The following RAB5C variants were observed in gnomAD, a reference collection of about 807,000 sequenced individuals.
RAB5C encodes the protein ras-related protein Rab-5C.
A neutral mutation model predicts 25.2 loss-of-function variants in RAB5C; 4 were observed. The observed-to-expected ratio is 0.16, with a 90% CI of 0.08 to 0.36. The LOEUF (loss-of-function observed/expected upper bound fraction) is 0.36. Among genes scored for constraint, RAB5C ranks in the 10% least tolerant of loss-of-function variants. The probability of loss-of-function intolerance (pLI) is 1.00; values close to 1 mark genes in which losing one functional copy is unlikely to be tolerated. For synonymous variants in RAB5C, 100 were observed against 106.4 expected (o/e 0.94, Z 0.37); for missense variants, 199 against 283.8 (o/e 0.70, Z 2.15).
In RAB5C at chr17:42,125,607, T is replaced by C. The variant is rs1215319660; in HGVS notation, c.*176A>G. 4 of 584,852 alleles carry C rather than the reference T, an allele frequency of 6.8e-6. No homozygotes were observed. The highest frequency in any genetic ancestry group is 1.2e-5 in the Non-Finnish European group (4 of 328,044). 36.2% of individuals were successfully genotyped at this position (584,852 alleles called of 1,614,324 possible). The stretch of plus-strand genomic sequence containing the variant: ...TTGAATTAGTATTTGTACAGAAAGG[T>C]GCAGGTGGAATGACTCACTCCGGCC... On this transcript the variant is annotated 3_prime_UTR_variant, in exon 6 of 6. Transcript: ENST00000346213.
At chr17:42,131,477 C>G (rs981011710) in intron 1 of RAB5C, 4 of 874,458 alleles carry the variant, frequency 4.6e-6, no homozygotes, top group Non-Finnish European at 7.1e-6. Context: ...AACACACACA[C>G]AGAAATACAC....
At position 42,148,386 on chromosome 17, in the gene RAB5C, A is replaced by G. The variant is rs1317480473; in HGVS notation, c.-89+6507T>C. Among the ~76,000 whole-genome samples, 5 of 126,458 alleles carry G rather than the reference A, an allele frequency of 4.0e-5. No individual in the cohort carries two copies. In the East Asian group the frequency reaches 1.2e-3, roughly 31 times the overall value. 83.0% of individuals were successfully genotyped at this position (126,458 alleles called of 152,430 possible). A position where few individuals can be genotyped will look rare whatever the true frequency, so the allele number is the denominator to read the frequency against. On this transcript the variant is annotated intron_variant, in intron 1 of 5. Coordinates refer to ENST00000346213, the MANE Select transcript of RAB5C (RefSeq NM_004583.4). The stretch of plus-strand genomic sequence containing the variant: ...ACCATTGCACTCCAGCCTGGGTGAG[A>G]GGTCAAGACTCCATCTCAAAAAAAA...
rs1280660154 is a variant in RAB5C at position 42,126,861 on chromosome 17, G to C, written c.442-13C>G. On this transcript the variant is annotated splice_polypyrimidine_tract_variant and intron_variant, in intron 4 of 5. Coordinates refer to ENST00000346213, the MANE Select transcript of RAB5C (RefSeq NM_004583.4). ...AGGCTTGTGCTTCCTGGTTTGGATG[G>C]AGGTGAGAGGAGGTGAGAGGGAAAT... is the stretch of plus-strand genomic sequence containing the variant. 1 of 1,523,374 alleles carries C rather than the reference G, an allele frequency of 6.6e-7. No homozygotes were observed. The highest frequency in any genetic ancestry group is 1.7e-5 in the Admixed American group (1 of 59,252). 94.4% of individuals were successfully genotyped at this position (1,523,374 alleles called of 1,614,324 possible). A position where few individuals can be genotyped will look rare whatever the true frequency, so the allele number is the denominator to read the frequency against.
intron 1 of RAB5C, among the ~76,000 whole-genome samples, chr17:42,148,196 C>A (rs1368097558): frequency 6.6e-6 from 1 of 151,830 alleles, no homozygotes; most frequent in Middle Eastern, 3.2e-3. Flanking sequence ...ATCATGAGGT[C>A]AGGAGTTTGA....
chr17:42,131,695 C>T, intron 1 of RAB5C: 2 of 1,280,882 alleles, frequency 1.6e-6, no homozygotes, highest in South Asian at 2.6e-5. Context: ...AGTCCTGCAT[C>T]CCCAACAGCT....
chr17:42,154,055 A>G (rs917680200), intron 1 of RAB5C, among the ~76,000 whole-genome samples: 3 of 152,188 alleles, frequency 2.0e-5, no homozygotes, highest in Non-Finnish European at 4.4e-5. Flanking sequence ...ACACACGGAC[A>G]GCAGTCCCAA....
At chr17:42,146,782 G>A (rs902479143) in intron 1 of RAB5C, among the ~76,000 whole-genome samples, 8 of 150,470 alleles carry the variant, frequency 5.3e-5, no homozygotes, top group Non-Finnish European at 1.5e-5. Flanking sequence ...CAAGGTAGGC[G>A]GATCACGAGG....
intron 1 of RAB5C, among the ~76,000 whole-genome samples, chr17:42,132,020 G>A (rs1310807821): frequency 6.6e-6 from 1 of 152,200 alleles, no homozygotes; most frequent in Non-Finnish European, 1.5e-5. Context: ...AGATCCCAGG[G>A]AGAGCCCCGA....
At chr17:42,139,817 C>G (rs2054574578) in intron 1 of RAB5C, among the ~76,000 whole-genome samples, 1 of 152,202 alleles carries the variant, frequency 6.6e-6, no homozygotes, top group African/African-American at 2.4e-5. Flanking sequence ...AGCCACAGGG[C>G]TTGTTAGGGA....
chr17:42,125,819 G>T lies in RAB5C; in HGVS notation c.615C>A (p.Asn205Lys). The change falls in exon 6 of 6, where the codon AAC becomes AAA. Residue 205 changes from asparagine to lysine, a missense_variant. Coordinates refer to ENST00000346213, the MANE Select transcript of RAB5C (RefSeq NM_004583.4). ...GRNRGVDLQE[N>K]NPASRSQCCS... ...AGCACTGGCTCCGGCTGGCTGGGTT[G>T]TTCTCCTGGAGGTCCACACCTCGGT... 1 of 1,610,276 alleles carries T rather than the reference G, an allele frequency of 6.2e-7. No individual in the cohort carries two copies. The highest frequency in any genetic ancestry group is 1.1e-5 in the South Asian group (1 of 90,110).
chr17:42,143,023 A>G (rs1414916280), intron 1 of RAB5C, among the ~76,000 whole-genome samples: 2 of 152,232 alleles, frequency 1.3e-5, no homozygotes, highest in African/African-American at 4.8e-5. Context: ...TCCAAAGGAA[A>G]GACCAAATCA....
chr17:42,149,399 T>A (rs1212134428), intron 1 of RAB5C, among the ~76,000 whole-genome samples: 1 of 152,046 alleles, frequency 6.6e-6, no homozygotes, highest in Admixed American at 6.6e-5. Context: ...CTGGGCAACA[T>A]GGCAAAACCC....
At chr17:42,145,252 T>A (rs1289577814) in intron 1 of RAB5C, among the ~76,000 whole-genome samples, 1 of 152,056 alleles carries the variant, frequency 6.6e-6, no homozygotes, top group Non-Finnish European at 1.5e-5. Context: ...TGAACATAAG[T>A]CCCTGTTCCT....
chr17:42,133,020 C>CT (rs1261399840), intron 1 of RAB5C, among the ~76,000 whole-genome samples: 3 of 152,124 alleles, frequency 2.0e-5, no homozygotes, highest in African/African-American at 7.2e-5. Context: ...ATGAAACTCT[C>CT]TTTTTTTGTG....
In RAB5C at chr17:42,126,759, T is replaced by C; in HGVS notation, c.531A>G (p.Ala177=). The change falls in exon 5 of 6, where the codon GCA becomes GCG. Residue 177 remains alanine (A), a synonymous_variant. Transcript: ENST00000346213. The part of the protein sequence containing the change: ...TAMNVNEIFM[A]IAKKLPKNEP... ...AGGGGAGGAGAAGCAACTGACCTAT[T>C]GCCATGAAGATTTCGTTCACGTTCA... 6.2e-7 allele frequency: 1 copy of C among 1,609,592 alleles called. No individual in the cohort carries two copies. The highest frequency in any genetic ancestry group is 8.5e-7 in the Non-Finnish European group (1 of 1,176,364).
intron 1 of RAB5C, among the ~76,000 whole-genome samples, chr17:42,142,416 G>C (rs2079608745): frequency 6.6e-6 from 1 of 152,172 alleles, no homozygotes; most frequent in Non-Finnish European, 1.5e-5. Flanking sequence ...TTCAGTTGTT[G>C]AGAGGGCTAG....
intron 1 of RAB5C, among the ~76,000 whole-genome samples, chr17:42,131,115 A>T (rs1244388540): frequency 6.6e-6 from 1 of 152,140 alleles, no homozygotes; most frequent in East Asian, 1.9e-4. Context: ...TGCTTGGCCA[A>T]CCTCATGGCC....
intron 1 of RAB5C, among the ~76,000 whole-genome samples, chr17:42,139,816 G>A (rs1406337609): frequency 1.3e-5 from 2 of 152,268 alleles, no homozygotes; most frequent in Admixed American, 1.3e-4. Context: ...CAGCCACAGG[G>A]CTTGTTAGGG....
Position 42,135,260 on chromosome 17 carries a change from ATTTT to A in RAB5C, c.-88-4674_-88-4671del, listed in dbSNP as rs544805007. On this transcript the variant is annotated intron_variant, in intron 1 of 5. Transcript: ENST00000346213. ...GGATTACAGGTGTGAGCCACCTGTA[ATTTT>A]TTTTTTTTTTTTTTGGAGATAGAGT... Among the ~76,000 whole-genome samples the A allele has an allele frequency of 1.0e-4, 14 of 134,154 alleles. No individual in the cohort carries two copies. The South Asian group carries it at 3.1e-3, about 30-fold the overall frequency. 88.0% of individuals were successfully genotyped at this position (134,154 alleles called of 152,430 possible).
Sources: gnomAD v4.1 joint callset for allele counts (sites outside exome capture counted in the v4.1 genomes callset) on GRCh38, gnomAD v4.1.1 for gene constraint, MANE v1.5 for transcripts, NCBI Gene and HGNC (gene_info 2026-07-23, HGNC 2026-07-21) for gene names.